ELN: variants seen among roughly 807,000 people sequenced by gnomAD.
The protein encoded by ELN is elastin.
A neutral mutation model predicts 105.8 loss-of-function variants in ELN; 65 were observed. That is an observed-to-expected ratio of 0.61 (90% CI 0.50 to 0.75). ELN has a LOEUF of 0.75. Ranked by LOEUF, ELN falls within the 30% of genes least tolerant of loss-of-function variation. ELN has a pLI of 0.00. For missense variants in ELN, 882 were observed against 969.4 expected, an observed-to-expected ratio of 0.91 and a Z score of 1.20; for synonymous variants, 368 against 389.2, an observed-to-expected ratio of 0.95 and a Z score of 0.64.
intron 1 of ELN, among the ~76,000 whole-genome samples, chr7:74,029,463 G>T (rs545498105): frequency 5.3e-5 from 8 of 152,294 alleles, no homozygotes; most frequent in African/African-American, 1.9e-4. Context: ...GAGGGCATTT[G>T]GTAGGGGGGT....
At position 74,051,780 on chromosome 7, in the gene ELN, T is replaced by C. The variant is rs782135037; in HGVS notation, c.830T>C (p.Val277Ala). The part of the protein sequence containing the change: ...GAGAAGVLPG[V>A]GGAGVPGVPG... Reference sequence around the variant, plus strand: ...GGAGCAGCCGGAGTCCTCCCTGGTGTTGGAGGGGCTGGTGTTCCTGGCGTG... The same window carrying C: ...GGAGCAGCCGGAGTCCTCCCTGGTGCTGGAGGGGCTGGTGTTCCTGGCGTG... The change falls in exon 16 of 33, where the codon GTT (valine) becomes GCT (alanine). Residue 277 changes from valine to alanine, a missense_variant. Coordinates refer to ENST00000252034, the MANE Select transcript of ELN (RefSeq NM_000501.4). The C allele has an allele frequency of 3.7e-6, 6 of 1,614,188 alleles. No individual in the cohort carries two copies. Among genetic ancestry groups the C allele is most frequent in the Non-Finnish European group, 5.1e-6 (6 of 1,180,014 alleles).
In ELN at chr7:74,046,806, G is replaced by A. The variant is rs202132977; in HGVS notation, c.643+39G>A. ...ACGGTTCAAGATGCACCACTCGGCC[G>A]GGTGTGGTGGTTCACACCTGTAATC... On this transcript the variant is annotated intron_variant, in intron 12 of 32. Coordinates refer to ENST00000252034, the MANE Select transcript of ELN (RefSeq NM_000501.4). 7.4e-5 allele frequency: 119 copies of A among 1,607,462 alleles called. 1 individual carries two copies. The African/African-American group carries it at 1.1e-3, about 16-fold the overall frequency.
In ELN at chr7:74,043,964, G is replaced by A. The variant is rs781908808; in HGVS notation, c.469+44G>A. On this transcript the variant is annotated intron_variant, in intron 9 of 32. Coordinates refer to ENST00000252034, the MANE Select transcript of ELN (RefSeq NM_000501.4). ...ACAGGGACTCTATAGGAAGAAAGCA[G>A]CCAGGACGCAGTGGCTCATGCCTAT... 45 of 1,612,080 alleles carry A rather than the reference G, an allele frequency of 2.8e-5. No individual in the cohort carries two copies. In the South Asian group the frequency reaches 4.8e-4, roughly 17 times the overall value.
Position 74,042,638 on chromosome 7 carries a change from C to G in ELN, c.257C>G (p.Thr86Ser). 6.2e-7 allele frequency: 1 copy of G among 1,613,668 alleles called. No individual in the cohort carries two copies. The highest frequency in any genetic ancestry group is 1.3e-5 in the African/African-American group (1 of 75,052). ...GAGLGAFPAV[T>S]FPGALVPGGV... ...GGGCTCGGCGCCTTCCCCGCAGTTACCTTTCCGGGGGCTCTGGTGCCTGGT... is the reference window on the plus strand; with the variant it reads ...GGGCTCGGCGCCTTCCCCGCAGTTAGCTTTCCGGGGGCTCTGGTGCCTGGT... The change falls in exon 6 of 33, where the codon ACC (threonine) becomes AGC (serine). Residue 86 changes from threonine to serine, a missense_variant. By Grantham distance (58) the Thr-to-Ser change is moderately conservative. Coordinates refer to ENST00000252034, the MANE Select transcript of ELN (RefSeq NM_000501.4).
chr7:74,040,811 G>A (rs1554668041), intron 4 of ELN, among the ~76,000 whole-genome samples: 1 of 152,144 alleles, frequency 6.6e-6, no homozygotes, highest in Non-Finnish European at 1.5e-5. Context: ...GGAGTTCCCC[G>A]ATGCAGGTGA....
rs1554688670 is a variant in ELN at position 74,065,696 on chromosome 7, A to G, written c.1996A>G (p.Ile666Val). The G allele has an allele frequency of 1.2e-6, 2 of 1,613,276 alleles. No homozygotes were observed. The highest frequency in any genetic ancestry group is 1.1e-5 in the South Asian group (1 of 91,036). ...GVPGVGGLGG[I>V]PPAAAAKAAK... The stretch of plus-strand genomic sequence containing the variant: ...CGTCATGTGCCTCATCTCCCCAGGT[A>G]TACCTCCAGCTGCAGCCGCTAAAGC... The change falls in exon 30 of 33, where the codon ATA becomes GTA. Residue 666 changes from isoleucine to valine, a missense_variant and splice_region_variant. Physicochemically the swap from Ile to Val is conservative, Grantham distance 29. Coordinates refer to ENST00000252034, the MANE Select transcript of ELN (RefSeq NM_000501.4).
Position 74,046,186 on chromosome 7 carries a change from A to T in ELN, c.542-2A>T, listed in dbSNP as rs782528759. 6.2e-7 allele frequency: 1 copy of T among 1,614,226 alleles called. No individual in the cohort carries two copies. The highest frequency in any genetic ancestry group is 1.7e-5 in the Admixed American group (1 of 60,034). On this transcript the variant is annotated splice_acceptor_variant, in intron 10 of 32. Transcript: ENST00000252034. LOFTEE classifies it high-confidence loss of function. Reference sequence around the variant, plus strand: ...TGTAGTGACAGCTTTTTATCATTACAGGTGTAGGTGGAGCTTTTGCTGGAA... The same window carrying T: ...TGTAGTGACAGCTTTTTATCATTACTGGTGTAGGTGGAGCTTTTGCTGGAA...
intron 4 of ELN, 48 bp downstream of exon 4, chr7:74,037,787 G>A (rs1554666583): frequency 6.2e-7 from 1 of 1,600,150 alleles, no homozygotes; most frequent in Non-Finnish European, 8.5e-7. Context: ...GGGAGCTGGG[G>A]AGGGAGGAGC....
chr7:74,046,069 A>T, intron 10 of ELN, 119 bp from the exon 11 acceptor site: 1 of 1,354,056 alleles, frequency 7.4e-7, no homozygotes, highest in Admixed American at 1.7e-5. Context: ...ATGTGAGCGC[A>T]GCATGCGATG....
Position 74,042,634 on chromosome 7 carries a change from G to A in ELN, c.253G>A (p.Val85Ile), listed in dbSNP as rs1563783035. The A allele has an allele frequency of 6.2e-7, 1 of 1,613,634 alleles. No individual in the cohort carries two copies. The highest frequency in any genetic ancestry group is 1.7e-5 in the Admixed American group (1 of 60,028). ...LGAGLGAFPA[V>I]TFPGALVPGG... is the part of the protein sequence containing the mutation. The stretch of plus-strand genomic sequence containing the variant: ...CGCAGGGCTCGGCGCCTTCCCCGCA[G>A]TTACCTTTCCGGGGGCTCTGGTGCC... Residue 85 changes from valine (V) to isoleucine (I), a missense_variant, in exon 6 of 33, where the codon GTT becomes ATT. Transcript: ENST00000252034.
intron 25 of ELN, among the ~76,000 whole-genome samples, 170 bp from the exon 26 acceptor site, chr7:74,060,931 G>A (rs576656548): frequency 1.8e-4 from 28 of 152,320 alleles, no homozygotes; most frequent in Admixed American, 9.2e-4. Context: ...AGGGGCAGAC[G>A]GAAGGTGGAG....
chr7:74,064,488 C>A (rs967955671), intron 29 of ELN, among the ~76,000 whole-genome samples: 4 of 151,360 alleles, frequency 2.6e-5, no homozygotes, highest in Non-Finnish European at 4.4e-5. Context: ...TGGTGACACA[C>A]GCCTGTAATC....
chr7:74,047,770 C>T, intron 13 of ELN, 54 bp downstream of exon 13: 1 of 1,612,628 alleles, frequency 6.2e-7, no homozygotes, highest in Non-Finnish European at 8.5e-7. Flanking sequence ...TCTCCAGGGT[C>T]CTAGCAAGGG....
intron 30 of ELN, 100 bp from the exon 31 acceptor site, chr7:74,065,843 AG>A: frequency 6.2e-7 from 1 of 1,611,024 alleles, no homozygotes; most frequent in Non-Finnish European, 8.5e-7. Context: ...CTACCCCTGA[AG>A]ATCTTGTCTG....
intron 25 of ELN, chr7:74,060,726 G>A: frequency 8.2e-7 from 1 of 1,223,276 alleles, no homozygotes; most frequent in Non-Finnish European, 1.1e-6. Context: ...CTCAGTAGAG[G>A]GGTGGCAGGG....
chr7:74,033,818 C>T (rs782769760), intron 1 of ELN, among the ~76,000 whole-genome samples: 63 of 152,226 alleles, frequency 4.1e-4, no homozygotes, highest in Middle Eastern at 3.2e-3. Context: ...CACGGGGCTC[C>T]CGGCCCCTTT....
chr7:74,042,798 G>A (rs1791541491), intron 6 of ELN, 92 bp downstream of exon 6: 2 of 1,552,230 alleles, frequency 1.3e-6, no homozygotes, highest in East Asian at 2.3e-5. Flanking sequence ...TCAGGCTTGG[G>A]AGCCGGGTGG....
chr7:74,049,788 C>CCATCCATTCCTCCATG (rs1361744053), intron 15 of ELN, among the ~76,000 whole-genome samples: 1 of 150,482 alleles, frequency 6.6e-6, no homozygotes. Context: ...GTCCACTCAT[C>CCATCCATTCCTCCATG]CATCCATTCC....
Position 74,063,768 on chromosome 7 carries a change from G to A in ELN, c.1993+73G>A. On this transcript the variant is annotated intron_variant, in intron 29 of 32. Coordinates refer to ENST00000252034, the MANE Select transcript of ELN (RefSeq NM_000501.4). This position sits in a 1 kb window ranked among gnomAD's most constrained non-coding sequence, Gnocchi z 4.1. ...AGACAGAGATGGAGACAGAGACAGA[G>A]ACAGAGACTTTCGTTCCCACCCCTG... 1 of 1,604,572 alleles carries A rather than the reference G, an allele frequency of 6.2e-7. No homozygotes were observed. The highest frequency in any genetic ancestry group is 8.5e-7 in the Non-Finnish European group (1 of 1,171,784).
Sources: gnomAD v4.1 joint callset for allele counts (sites outside exome capture counted in the v4.1 genomes callset) on GRCh38, gnomAD v4.1.1 for gene constraint, Gnocchi (gnomAD v3.1) non-coding constraint, MANE v1.5 for transcripts, NCBI Gene and HGNC (gene_info 2026-07-23, HGNC 2026-07-21) for gene names.